MCC: variants seen among roughly 807,000 people sequenced by gnomAD.
MCC encodes the protein MCC regulator of Wnt signaling pathway, also known as colorectal mutant cancer protein.
MCC carries 90 observed loss-of-function variants against 116.2 expected under a neutral mutation model. The ratio of observed to expected loss-of-function variants is 0.77; its 90% CI spans 0.65 to 0.92. The LOEUF (loss-of-function observed/expected upper bound fraction) is 0.92, where lower values mean the gene tolerates loss of function less well. MCC is among the 40% of genes least tolerant of loss of function. MCC has a pLI of 0.00. For missense variants in MCC, 1,516 were observed against 1,312.2 expected, an observed-to-expected ratio of 1.16 and a Z score of -2.40; for synonymous variants, 578 against 510.5, an observed-to-expected ratio of 1.13 and a Z score of -1.78.
At chr5:113,116,127 G>T (rs189338851) in intron 6 of MCC, among the ~76,000 whole-genome samples, 67 of 152,250 alleles carry the variant, frequency 4.4e-4, no homozygotes, top group Non-Finnish European at 7.6e-4. Context: ...CTTTAGATAG[G>T]CTGTCTCCTG....
chr5:113,376,806 C>G (rs993011783), intron 2 of MCC, among the ~76,000 whole-genome samples: 3 of 152,098 alleles, frequency 2.0e-5, no homozygotes, highest in Non-Finnish European at 1.5e-5. Context: ...GGGGATAGAG[C>G]CAACTCTACC....
rs569853029 is a variant in MCC at position 113,116,679 on chromosome 5, C to T, written c.1027+6005G>A. On this transcript the variant is annotated intron_variant, in intron 6 of 18. Transcript: ENST00000408903. ...ATTTGGGGAAAATATTCCAAAGTAA[C>T]ACAAACTGAAGTAGAACAATAACCT... Among the ~76,000 whole-genome samples, 4 of 152,272 alleles carry T rather than the reference C, an allele frequency of 2.6e-5. No individual in the cohort carries two copies. In the East Asian group the frequency reaches 7.7e-4, roughly 29 times the overall value.
At position 113,187,733 on chromosome 5, in the gene MCC, C is replaced by A. The variant is rs569569176; in HGVS notation, c.628-36311G>T. Among the ~76,000 whole-genome samples the A allele has an allele frequency of 3.7e-5, 5 of 136,028 alleles. No homozygotes were observed. In the South Asian group the frequency reaches 1.2e-3, roughly 33 times the overall value. 89.2% of individuals were successfully genotyped at this position (136,028 alleles called of 152,430 possible). On this transcript the variant is annotated intron_variant, in intron 3 of 18. Coordinates refer to ENST00000408903, the MANE Select transcript of MCC (RefSeq NM_001085377.2). ...TCGCGCCACTGCACTCCGGCCTGGG[C>A]GACTGAGTGAGACTCCAACTCAAAA...
intron 5 of MCC, among the ~76,000 whole-genome samples, chr5:113,130,954 T>G (rs577054919): frequency 1.3e-5 from 2 of 152,316 alleles, no homozygotes; most frequent in Admixed American, 1.3e-4. Flanking sequence ...TAACCCTGAT[T>G]CTCTCCCAAA....
intron 1 of MCC, among the ~76,000 whole-genome samples, chr5:113,455,191 C>A (rs757449519): frequency 1.3e-5 from 2 of 152,028 alleles, no homozygotes; most frequent in African/African-American, 4.8e-5. Flanking sequence ...CTTGGCAGAC[C>A]CTTCTTCATG....
Position 113,434,880 on chromosome 5 carries a change from A to G in MCC, c.171-49668T>C. 6.4e-7 allele frequency: 1 copy of G among 1,574,116 alleles called. No homozygotes were observed. Among genetic ancestry groups the G allele is most frequent in the Non-Finnish European group, 8.6e-7 (1 of 1,158,710 alleles). ...CAGTGCCTCTGAGGCTGCCCTCTAC[A>G]GCCCCGAGGCGCATGGGCCAGCAGT... On this transcript the variant is annotated intron_variant, in intron 1 of 18. Transcript: ENST00000408903. This position sits in a 1 kb window ranked among gnomAD's most constrained non-coding sequence, Gnocchi z 4.2.
chr5:113,430,452 C>T (rs1487271896), intron 1 of MCC, among the ~76,000 whole-genome samples: 1 of 152,160 alleles, frequency 6.6e-6, no homozygotes, highest in Non-Finnish European at 1.5e-5. Flanking sequence ...ATTCTCTCTG[C>T]AACAAAGGTC....
chr5:113,276,120 C>T (rs1765817108), intron 3 of MCC, among the ~76,000 whole-genome samples: 1 of 152,134 alleles, frequency 6.6e-6, no homozygotes, highest in Non-Finnish European at 1.5e-5. Context: ...GGGAACAGCA[C>T]AGCAGCCCAT....
chr5:113,072,811 C>G (rs1754130626), intron 11 of MCC, among the ~76,000 whole-genome samples: 1 of 152,176 alleles, frequency 6.6e-6, no homozygotes, highest in Non-Finnish European at 1.5e-5. Flanking sequence ...TTCTCTAGCC[C>G]AGCGCTTTCT....
At chr5:113,172,616 T>G (rs1761131926) in intron 3 of MCC, among the ~76,000 whole-genome samples, 1 of 152,238 alleles carries the variant, frequency 6.6e-6, no homozygotes, top group Non-Finnish European at 1.5e-5. Context: ...CCCATGGCCA[T>G]CTGTCCATCT....
At chr5:113,170,368 C>T (rs566602469) in intron 3 of MCC, among the ~76,000 whole-genome samples, 4 of 152,276 alleles carry the variant, frequency 2.6e-5, no homozygotes, top group African/African-American at 9.6e-5. Flanking sequence ...TACCATATTC[C>T]TACCTCCTTA....
At position 113,104,294 on chromosome 5, in the gene MCC, GACA is replaced by G; in HGVS notation, c.1086_1088del (p.Val363del). The stretch of plus-strand genomic sequence containing the variant: ...TGCAGCTGCTCTTCTTCCTGCCGCA[GACA>G]ACATTCTCCAGCCCTGTCAGCACCC... On this transcript the variant is annotated inframe_deletion, in exon 7 of 19. Coordinates refer to ENST00000408903, the MANE Select transcript of MCC (RefSeq NM_001085377.2). 1 of 1,614,014 alleles carries G rather than the reference GACA, an allele frequency of 6.2e-7. No homozygotes were observed. The highest frequency in any genetic ancestry group is 8.5e-7 in the Non-Finnish European group (1 of 1,180,026).
At chr5:113,243,350 T>C (rs917102926) in intron 3 of MCC, among the ~76,000 whole-genome samples, 4 of 152,174 alleles carry the variant, frequency 2.6e-5, no homozygotes, top group Non-Finnish European at 5.9e-5. Flanking sequence ...TCGGCAGCTA[T>C]AGGATACTAC....
At chr5:113,045,777 C>G (rs1752030196) in intron 16 of MCC, among the ~76,000 whole-genome samples, 1 of 127,368 alleles carries the variant, frequency 7.9e-6, no homozygotes, top group African/African-American at 3.0e-5. Context: ...CCAGCCTGGG[C>G]AACAAGAGTG....
intron 3 of MCC, among the ~76,000 whole-genome samples, chr5:113,290,248 T>G (rs1169919093): frequency 6.6e-6 from 1 of 152,184 alleles, no homozygotes; most frequent in African/African-American, 2.4e-5. Context: ...TGATACAAAA[T>G]GATTTGAATG....
intron 1 of MCC, among the ~76,000 whole-genome samples, chr5:113,442,418 A>G (rs1212105539): frequency 6.6e-6 from 1 of 152,132 alleles, no homozygotes; most frequent in Non-Finnish European, 1.5e-5. Context: ...AGATAGATAG[A>G]TTGCAAAAAC....
chr5:113,287,328 T>C (rs1013356954), intron 3 of MCC, among the ~76,000 whole-genome samples: 1 of 152,122 alleles, frequency 6.6e-6, no homozygotes, highest in Non-Finnish European at 1.5e-5. Flanking sequence ...GAAATCTTCA[T>C]CAACAACTTC....
At chr5:113,366,643 T>A (rs1229447827) in intron 2 of MCC, among the ~76,000 whole-genome samples, 2 of 152,200 alleles carry the variant, frequency 1.3e-5, no homozygotes, top group Admixed American at 1.3e-4. Flanking sequence ...TCATGTAATT[T>A]TTATGAGGTT....
chr5:113,030,610 G>T (rs945211318), intron 17 of MCC, among the ~76,000 whole-genome samples: 1 of 152,108 alleles, frequency 6.6e-6, no homozygotes, highest in Non-Finnish European at 1.5e-5. Context: ...AGTCCAGGAG[G>T]TCAAGACCAG....
Sources: allele counts gnomAD v4.1 joint callset (sites outside exome capture counted in the v4.1 genomes callset), GRCh38; gene constraint gnomAD v4.1.1; non-coding constraint Gnocchi (gnomAD v3.1); transcripts MANE v1.5; gene names NCBI Gene and HGNC (gene_info 2026-07-23, HGNC 2026-07-21).